The following ERBB4 variants were observed in gnomAD, a reference collection of about 807,000 sequenced individuals.
The protein encoded by ERBB4 is erb-b2 receptor tyrosine kinase 4, also known as receptor tyrosine-protein kinase erbB-4.
A neutral mutation model predicts 158.0 loss-of-function variants in ERBB4; 42 were observed. The ratio of observed to expected loss-of-function variants is 0.27; its 90% CI spans 0.21 to 0.34. The LOEUF (loss-of-function observed/expected upper bound fraction) is 0.34. Ranked by LOEUF, ERBB4 falls within the 10% of genes least tolerant of loss-of-function variation. The pLI is 1.00. For synonymous variants in ERBB4, 583 were observed against 558.7 expected (o/e 1.04, Z -0.61); for missense variants, 1,333 against 1,624.1 (o/e 0.82, Z 3.08).
intron 1 of ERBB4, among the ~76,000 whole-genome samples, chr2:212,134,379 A>T (rs2125591014): frequency 6.6e-6 from 1 of 152,198 alleles, no homozygotes; most frequent in South Asian, 2.1e-4. Flanking sequence ...GTTTTAAAAT[A>T]TCTTTATCAG....
At chr2:212,191,474 T>TACATGTTATACCTGTTATATATAACAC (rs2082191421) in intron 1 of ERBB4, among the ~76,000 whole-genome samples, 1 of 133,624 alleles carries the variant, frequency 7.5e-6, no homozygotes, top group Non-Finnish European at 1.6e-5. Flanking sequence ...ATATAACACA[T>TACATGTTATACCTGTTATATATAACAC]GTGTTATACA....
chr2:211,856,848 T>C (rs2077878990), intron 3 of ERBB4, among the ~76,000 whole-genome samples: 1 of 152,132 alleles, frequency 6.6e-6, no homozygotes, highest in Non-Finnish European at 1.5e-5. Context: ...TGAAACTAGA[T>C]TTTCAACAAT....
intron 1 of ERBB4, among the ~76,000 whole-genome samples, chr2:212,399,025 C>T (rs750993344): frequency 1.3e-5 from 2 of 151,984 alleles, no homozygotes; most frequent in Non-Finnish European, 2.9e-5. Context: ...CTGACTGCAA[C>T]CTCTGCCTCC....
intron 16 of ERBB4, among the ~76,000 whole-genome samples, chr2:211,645,852 A>G (rs138688305): frequency 2.6e-4 from 39 of 151,858 alleles, no homozygotes; most frequent in African/African-American, 8.2e-4. Context: ...ATTCACATAT[A>G]TGAATAAGAA....
At chr2:212,174,622 A>G (rs539077895) in intron 1 of ERBB4, among the ~76,000 whole-genome samples, 4 of 152,064 alleles carry the variant, frequency 2.6e-5, no homozygotes, top group Non-Finnish European at 4.4e-5. Context: ...ATTTGTGGAC[A>G]TATTTCTGCT....
chr2:211,431,739 A>G (rs551077423), intron 20 of ERBB4, among the ~76,000 whole-genome samples: 1 of 152,308 alleles, frequency 6.6e-6, no homozygotes, highest in East Asian at 1.9e-4. Flanking sequence ...CCATAGTGAA[A>G]TTACACAGTT....
intron 1 of ERBB4, among the ~76,000 whole-genome samples, chr2:212,328,050 T>C (rs953507500): frequency 4.0e-5 from 6 of 149,682 alleles, no homozygotes; most frequent in Non-Finnish European, 5.9e-5. Context: ...AAAGTCACAA[T>C]TCACAATTTG....
At chr2:211,797,090 G>T (rs2076398247) in intron 3 of ERBB4, among the ~76,000 whole-genome samples, 1 of 151,834 alleles carries the variant, frequency 6.6e-6, no homozygotes, top group Non-Finnish European at 1.5e-5. Context: ...ATGTCTTCTT[G>T]CTATTAAAAT....
At chr2:211,841,793 T>C (rs2077475820) in intron 3 of ERBB4, among the ~76,000 whole-genome samples, 1 of 152,058 alleles carries the variant, frequency 6.6e-6, no homozygotes, top group Admixed American at 6.6e-5. Flanking sequence ...AATTACCAAT[T>C]GTATTTGACT....
At chr2:212,118,991 T>C (rs1290136833) in intron 2 of ERBB4, among the ~76,000 whole-genome samples, 1 of 151,996 alleles carries the variant, frequency 6.6e-6, no homozygotes, top group Admixed American at 6.6e-5. Context: ...CTTTATATAT[T>C]ACTTTATTTT....
In ERBB4 at chr2:211,624,151, C is replaced by G. The variant is rs948508057; in HGVS notation, c.2080-107G>C. 32 of 1,412,122 alleles carry G rather than the reference C, an allele frequency of 2.3e-5. No individual in the cohort carries two copies. In the Admixed American group the frequency reaches 5.5e-4, roughly 24 times the overall value. The allele number at this position is 1,412,122 out of a possible 1,614,324, so 87.5% of individuals were successfully genotyped here. A position where few individuals can be genotyped will look rare whatever the true frequency, so the allele number is the denominator to read the frequency against. ...TGGTTCTCTTTCTTACAAAGAAAAA[C>G]ACACCAACTTGGTTTGCCTTGACAA... On this transcript the variant is annotated intron_variant, in intron 17 of 27. Transcript: ENST00000342788.
chr2:211,793,691 T>C (rs2076324796), intron 3 of ERBB4, among the ~76,000 whole-genome samples: 1 of 151,918 alleles, frequency 6.6e-6, no homozygotes, highest in South Asian at 2.1e-4. Context: ...TAATACATGA[T>C]CTCTGGAATG....
intron 3 of ERBB4, among the ~76,000 whole-genome samples, chr2:211,935,318 G>C (rs2080290031): frequency 6.6e-6 from 1 of 152,118 alleles, no homozygotes; most frequent in South Asian, 2.1e-4. Flanking sequence ...TGTTTCAGAG[G>C]AGATGAGTTT....
intron 1 of ERBB4, among the ~76,000 whole-genome samples, chr2:212,208,834 A>G (rs1394026416): frequency 4.6e-5 from 7 of 152,178 alleles, no homozygotes; most frequent in African/African-American, 1.7e-4. Context: ...CCATACTTTC[A>G]ACTAAATGAA....
chr2:211,627,693 G>T (rs1008376948), intron 17 of ERBB4, among the ~76,000 whole-genome samples: 1 of 152,106 alleles, frequency 6.6e-6, no homozygotes, highest in Non-Finnish European at 1.5e-5. Context: ...AACAACAAAC[G>T]TTGGATAAGC....
chr2:211,380,142 C>T lies in ERBB4; in HGVS notation c.*3473G>A, dbSNP rs1002933278. On this transcript the variant is annotated 3_prime_UTR_variant, in exon 28 of 28. Coordinates refer to ENST00000342788, the MANE Select transcript of ERBB4 (RefSeq NM_005235.3). Reference sequence around the variant, plus strand: ...TGTTTTAATAGAAATTTGAGTTTTGCGTTGTTTTTCATGCTATTTTAAGAA... The same window carrying T: ...TGTTTTAATAGAAATTTGAGTTTTGTGTTGTTTTTCATGCTATTTTAAGAA... 3 of 231,638 alleles carry T rather than the reference C, an allele frequency of 1.3e-5. No individual in the cohort carries two copies. The highest frequency in any genetic ancestry group is 2.6e-5 in the Non-Finnish European group (3 of 117,222). The allele number at this position is 231,638 out of a possible 1,614,324, so 14.3% of individuals were successfully genotyped here. A position where few individuals can be genotyped will look rare whatever the true frequency, so the allele number is the denominator to read the frequency against.
chr2:212,242,839 G>C (rs1225210291), intron 1 of ERBB4, among the ~76,000 whole-genome samples: 2 of 152,160 alleles, frequency 1.3e-5, no homozygotes, highest in East Asian at 3.9e-4. Context: ...TCTCACCTAA[G>C]AGGATATGGC....
intron 19 of ERBB4, among the ~76,000 whole-genome samples, chr2:211,570,069 A>T (rs990838087): frequency 2.0e-5 from 3 of 151,974 alleles, no homozygotes; most frequent in African/African-American, 7.3e-5. Context: ...GATTCATGAG[A>T]TTTTGCCTAA....
intron 1 of ERBB4, among the ~76,000 whole-genome samples, chr2:212,498,605 A>G: frequency 6.6e-6 from 1 of 152,198 alleles, no homozygotes; most frequent in East Asian, 1.9e-4. Context: ...AATTATGATT[A>G]ATTATATTAT....
Sources: gnomAD v4.1 joint callset for allele counts (sites outside exome capture counted in the v4.1 genomes callset) on GRCh38, gnomAD v4.1.1 for gene constraint, MANE v1.5 for transcripts, NCBI Gene and HGNC (gene_info 2026-07-23, HGNC 2026-07-21) for gene names.